The following TYW1 variants were observed in gnomAD, a reference collection of about 807,000 sequenced individuals.
TYW1 encodes tRNA-yW synthesizing protein 1 homolog.
A neutral mutation model predicts 96.2 loss-of-function variants in TYW1; 46 were observed. That is an observed-to-expected ratio of 0.48 (90% CI 0.38 to 0.61). The LOEUF (loss-of-function observed/expected upper bound fraction) is 0.61. TYW1 is among the 20% of genes least tolerant of loss of function. TYW1 has a pLI of 0.00. For synonymous variants in TYW1, 274 were observed against 323.0 expected (o/e 0.85, Z 1.63); for missense variants, 684 against 909.6 (o/e 0.75, Z 3.19).
chr7:67,114,273 T>A (rs1450535121), intron 12 of TYW1: 1 of 154,230 alleles, frequency 6.5e-6, no homozygotes, highest in Non-Finnish European at 1.5e-5. Flanking sequence ...AGCTTCAAAG[T>A]CACTGTTTAC....
chr7:67,048,034 T>C (rs1332633891), intron 7 of TYW1, among the ~76,000 whole-genome samples: 1 of 149,248 alleles, frequency 6.7e-6, no homozygotes, highest in Non-Finnish European at 1.5e-5. Context: ...GTGATCCACC[T>C]GCCTCGGCCT....
chr7:67,029,848 G>A (rs1184426690), intron 7 of TYW1, among the ~76,000 whole-genome samples: 1 of 152,052 alleles, frequency 6.6e-6, no homozygotes, highest in East Asian at 1.9e-4. Flanking sequence ...CTACAGACAC[G>A]CACCACCACG....
intron 15 of TYW1, among the ~76,000 whole-genome samples, chr7:67,204,572 T>G (rs2116371615): frequency 6.8e-6 from 1 of 146,098 alleles, no homozygotes; most frequent in Non-Finnish European, 1.5e-5. Flanking sequence ...TTCTTCTTCC[T>G]TCTTCCTTCT....
intron 6 of TYW1, among the ~76,000 whole-genome samples, chr7:67,020,485 G>A (rs1278175092): frequency 1.3e-5 from 2 of 152,226 alleles, no homozygotes; most frequent in African/African-American, 4.8e-5. Flanking sequence ...TGATCCACCT[G>A]CCTCGGCCTC....
At chr7:67,169,719 T>C (rs547239134) in intron 13 of TYW1, among the ~76,000 whole-genome samples, 158 of 152,344 alleles carry the variant, frequency 1.0e-3, no homozygotes, top group South Asian at 2.5e-3. Context: ...TCTTTTTTGC[T>C]GAATACTATT....
At chr7:67,124,067 C>T (rs1660602313) in intron 13 of TYW1, among the ~76,000 whole-genome samples, 1 of 152,124 alleles carries the variant, frequency 6.6e-6, no homozygotes, top group African/African-American at 2.4e-5. Flanking sequence ...CATAGCATAT[C>T]TGCTAAAAAC....
chr7:67,182,559 TA>T (rs1216628695), intron 13 of TYW1, among the ~76,000 whole-genome samples: 1 of 151,986 alleles, frequency 6.6e-6, no homozygotes, highest in African/African-American at 2.4e-5. Context: ...ACCCTGTCTC[TA>T]AAAAAATAAA....
rs1584634849 is a variant in TYW1 at position 67,159,566 on chromosome 7, A to G, written c.1699-23560A>G. 4.6e-5 allele frequency among the ~76,000 whole-genome samples: 7 copies of G among 151,970 alleles called. 1 individual carries two copies. Among genetic ancestry groups the G allele is most frequent in the African/African-American group, 1.7e-4 (7 of 41,500 alleles). On this transcript the variant is annotated intron_variant, in intron 13 of 15. Coordinates refer to ENST00000359626, the MANE Select transcript of TYW1 (RefSeq NM_018264.4). Reference sequence around the variant, plus strand: ...GTACAGCTGACTTTCTGTAAGTTCAACTCACCAGTATAACTAGCAGTCCAA... The same window carrying G: ...GTACAGCTGACTTTCTGTAAGTTCAGCTCACCAGTATAACTAGCAGTCCAA...
In TYW1 at chr7:67,098,657, C is replaced by T. The variant is rs1796994760; in HGVS notation, c.1501C>T (p.Leu501Phe). Reference protein sequence around the residue: ...YPEINRFLKLLHQCKISSFLV... With the variant: ...YPEINRFLKLFHQCKISSFLV... ...AGAGATCAACAGGTTTTTGAAGCTA[C>T]TCCACCAGTGTAAAATTTCCAGCTT... The change falls in exon 12 of 16, where the codon CTC (leucine) becomes TTC (phenylalanine). Residue 501 changes from leucine (L) to phenylalanine (F), a missense_variant. Coordinates refer to ENST00000359626, the MANE Select transcript of TYW1 (RefSeq NM_018264.4). 3 of 1,613,976 alleles carry T rather than the reference C, an allele frequency of 1.9e-6. No homozygotes were observed. The highest frequency in any genetic ancestry group is 2.5e-6 in the Non-Finnish European group (3 of 1,180,012).
chr7:67,032,676 G>GTC (rs1255768769), intron 7 of TYW1, among the ~76,000 whole-genome samples: 2 of 151,878 alleles, frequency 1.3e-5, no homozygotes, highest in Non-Finnish European at 2.9e-5. Context: ...TGTCATAGAG[G>GTC]TCTTTGTGCT....
intron 7 of TYW1, among the ~76,000 whole-genome samples, chr7:67,042,062 TTA>T (rs1795045347): frequency 6.8e-6 from 1 of 146,232 alleles, no homozygotes; most frequent in African/African-American, 2.5e-5. Context: ...TATATTAGAA[TTA>T]TATAATTATA....
At chr7:67,048,460 A>G (rs1169286682) in intron 7 of TYW1, among the ~76,000 whole-genome samples, 1 of 150,584 alleles carries the variant, frequency 6.6e-6, no homozygotes, top group Non-Finnish European at 1.5e-5. Context: ...AAAGTGTAAC[A>G]CAGATCTCGT....
intron 15 of TYW1, among the ~76,000 whole-genome samples, chr7:67,230,184 A>G (rs186712025): frequency 6.6e-6 from 1 of 152,058 alleles, no homozygotes; most frequent in East Asian, 1.9e-4. Flanking sequence ...CTCTCATTCA[A>G]AAGATAGGAA....
chr7:67,134,340 C>T (rs1798178214), intron 13 of TYW1, among the ~76,000 whole-genome samples: 1 of 151,770 alleles, frequency 6.6e-6, no homozygotes, highest in African/African-American at 2.4e-5. Context: ...GTCAGGAGTT[C>T]GAGACCAGCC....
At chr7:67,011,626 C>A (rs1462816919) in intron 4 of TYW1, among the ~76,000 whole-genome samples, 2 of 151,796 alleles carry the variant, frequency 1.3e-5, no homozygotes, top group African/African-American at 4.8e-5. Flanking sequence ...AATCCCAGCA[C>A]TTTGGGAGGC....
At chr7:67,129,729 A>G (rs534610073) in intron 13 of TYW1, among the ~76,000 whole-genome samples, 2 of 152,378 alleles carry the variant, frequency 1.3e-5, no homozygotes, top group African/African-American at 4.8e-5. Context: ...ATCTGATAGT[A>G]TAAGTCTCAC....
At chr7:67,108,650 C>T (rs547498506) in intron 12 of TYW1, among the ~76,000 whole-genome samples, 72 of 151,928 alleles carry the variant, frequency 4.7e-4, no homozygotes, top group Non-Finnish European at 7.8e-4. Flanking sequence ...CCATGTTGGC[C>T]AGGCTGGTCT....
At position 67,051,250 on chromosome 7, in the gene TYW1, C is replaced by T. The variant is rs139483124; in HGVS notation, c.1102+1184C>T. ...CAATGTGTAGAAGAACCTTACAGTA[C>T]TATACTTCCATTATTTCTTTCTTAA... On this transcript the variant is annotated intron_variant, in intron 8 of 15. Transcript: ENST00000359626. 9.4e-3 allele frequency among the ~76,000 whole-genome samples: 1,437 copies of T among 152,254 alleles called. 10 individuals are homozygous for T. Among genetic ancestry groups the T allele is most frequent in the Non-Finnish European group, 0.015 (996 of 68,022 alleles).
intron 15 of TYW1, among the ~76,000 whole-genome samples, chr7:67,236,996 C>T (rs1402009166): frequency 6.6e-6 from 1 of 152,120 alleles, no homozygotes; most frequent in Admixed American, 6.5e-5. Context: ...AGCGATTCTC[C>T]TGCCTCAGCC....
Sources: allele counts gnomAD v4.1 joint callset (sites outside exome capture counted in the v4.1 genomes callset), GRCh38; gene constraint gnomAD v4.1.1; transcripts MANE v1.5; gene names NCBI Gene and HGNC (gene_info 2026-07-23, HGNC 2026-07-21).